The following ST6GAL1 variants were observed in gnomAD, a reference collection of about 807,000 sequenced individuals.
ST6GAL1 encodes ST6 beta-galactoside alpha-2,6-sialyltransferase 1.
ST6GAL1 carries 20 observed loss-of-function variants against 38.0 expected under a neutral mutation model. The ratio of observed to expected loss-of-function variants is 0.53; its 90% CI spans 0.37 to 0.77. The LOEUF is 0.77. Among genes scored for constraint, ST6GAL1 ranks in the 30% least tolerant of loss-of-function variants. ST6GAL1 has a pLI of 0.00. For synonymous variants in ST6GAL1, 196 were observed against 188.2 expected, an observed-to-expected ratio of 1.04 and a Z score of -0.34; for missense variants, 432 against 496.4, an observed-to-expected ratio of 0.87 and a Z score of 1.23.
chr3:187,012,021 G>T (rs1716969896), intron 2 of ST6GAL1, among the ~76,000 whole-genome samples: 1 of 152,102 alleles, frequency 6.6e-6, no homozygotes, highest in Admixed American at 6.6e-5. Flanking sequence ...CCAAGCTATG[G>T]TCTCTGCCTC....
rs770640976 is a variant in ST6GAL1 at position 186,934,580 on chromosome 3, AAAC to A, written c.-325+3757_-325+3759del. Among the ~76,000 whole-genome samples, 221 of 151,684 alleles carry A rather than the reference AAAC, an allele frequency of 1.5e-3. 1 individual carries two copies. The highest frequency in any genetic ancestry group is 2.8e-3 in the Non-Finnish European group (189 of 67,896). ...TGTCTCAAAAACAGAAAATAAAACA[AAAC>A]AACAACAACAGAAAACCAGCAGGCT... On this transcript the variant is annotated intron_variant, in intron 1 of 7. Coordinates refer to ENST00000169298, the MANE Select transcript of ST6GAL1 (RefSeq NM_173216.2).
At chr3:186,944,367 T>C (rs1714284048) in intron 1 of ST6GAL1, among the ~76,000 whole-genome samples, 1 of 152,144 alleles carries the variant, frequency 6.6e-6, no homozygotes, top group Non-Finnish European at 1.5e-5. Context: ...GGGCATAACA[T>C]ATGAGCAAAA....
At chr3:187,013,826 C>G (rs1304972309) in intron 2 of ST6GAL1, among the ~76,000 whole-genome samples, 1 of 152,170 alleles carries the variant, frequency 6.6e-6, no homozygotes, top group African/African-American at 2.4e-5. Context: ...CTCAGGTGAT[C>G]CTCCCACCTT....
intron 2 of ST6GAL1, among the ~76,000 whole-genome samples, chr3:187,003,209 C>G (rs1459248863): frequency 6.6e-6 from 1 of 152,208 alleles, no homozygotes; most frequent in Non-Finnish European, 1.5e-5. Flanking sequence ...AAAAACAATG[C>G]CCCAGCTCAA....
At chr3:186,953,951 T>A (rs1198502776) in intron 1 of ST6GAL1, among the ~76,000 whole-genome samples, 2 of 152,082 alleles carry the variant, frequency 1.3e-5, no homozygotes, top group African/African-American at 4.8e-5. Context: ...AAGCCCCACA[T>A]GCATTAGCTA....
At chr3:187,021,355 C>T (rs1717292198) in intron 2 of ST6GAL1, among the ~76,000 whole-genome samples, 1 of 152,212 alleles carries the variant, frequency 6.6e-6, no homozygotes, top group South Asian at 2.1e-4. Context: ...ACTTCAGGGA[C>T]AGGCCCTAAG....
chr3:187,073,440 C>A, intron 6 of ST6GAL1: 1 of 164,346 alleles, frequency 6.1e-6, no homozygotes. Flanking sequence ...GAAAGTCCCC[C>A]ATTCCAGGAC....
chr3:187,016,400 G>A (rs6444193), intron 2 of ST6GAL1, among the ~76,000 whole-genome samples: 111,189 of 151,962 alleles, frequency 0.73, 41,156 homozygotes, highest in South Asian at 0.83. Context: ...GTGCAGGAGA[G>A]TGTGTGTGCA....
chr3:187,015,057 C>A (rs1717073015), intron 2 of ST6GAL1, among the ~76,000 whole-genome samples: 1 of 152,158 alleles, frequency 6.6e-6, no homozygotes, highest in Non-Finnish European at 1.5e-5. Flanking sequence ...TGTAAATTCT[C>A]CCTAACATGG....
intron 2 of ST6GAL1, among the ~76,000 whole-genome samples, chr3:186,970,276 G>A (rs1311746667): frequency 1.1e-4 from 16 of 148,276 alleles, no homozygotes; most frequent in African/African-American, 3.0e-4. Context: ...GTGCAGTGGC[G>A]CGATCTCAGC....
intron 3 of ST6GAL1, among the ~76,000 whole-genome samples, chr3:187,041,418 TG>T (rs1718121393): frequency 6.6e-6 from 1 of 152,178 alleles, no homozygotes; most frequent in Non-Finnish European, 1.5e-5. Context: ...ACCCAGTGAT[TG>T]GGGAAAGAAT....
chr3:186,963,349 C>T (rs957112050), intron 1 of ST6GAL1, among the ~76,000 whole-genome samples: 1 of 152,190 alleles, frequency 6.6e-6, no homozygotes, highest in Non-Finnish European at 1.5e-5. Context: ...CTCAGCCTCC[C>T]AAGTAGCTGG....
At chr3:186,940,977 G>A (rs904427439) in intron 1 of ST6GAL1, among the ~76,000 whole-genome samples, 3 of 152,164 alleles carry the variant, frequency 2.0e-5, no homozygotes, top group Admixed American at 6.5e-5. Flanking sequence ...GTTCTGGAAA[G>A]GATGGTGAGA....
chr3:187,075,707 G>T lies in ST6GAL1; in HGVS notation c.1125G>T (p.Glu375Asp), dbSNP rs1481462626. ...GTGCCTACCACCCGCTGCTCTATGA[G>T]AAGAATTTGGTGAAGCATCTCAACC... Reference protein sequence around the residue: ...TMGAYHPLLYEKNLVKHLNQG... With the variant: ...TMGAYHPLLYDKNLVKHLNQG... Residue 375 changes from glutamate to aspartate, a missense_variant, in exon 8 of 8, where the codon GAG becomes GAT. Coordinates refer to ENST00000169298, the MANE Select transcript of ST6GAL1 (RefSeq NM_173216.2). This position sits in a 1 kb window ranked among gnomAD's most constrained non-coding sequence, Gnocchi z 4.1. The T allele has an allele frequency of 1.9e-6, 3 of 1,614,144 alleles. No homozygotes were observed. In the African/African-American group the frequency reaches 4.0e-5, roughly 22 times the overall value.
At chr3:187,054,421 T>A (rs1718619693) in intron 5 of ST6GAL1, among the ~76,000 whole-genome samples, 1 of 152,220 alleles carries the variant, frequency 6.6e-6, no homozygotes, top group African/African-American at 2.4e-5. Flanking sequence ...TTCAGTATGA[T>A]ATTGGCTGTG....
At chr3:187,072,740 A>G in intron 5 of ST6GAL1, 109 bp from the exon 6 acceptor site, 2 of 932,450 alleles carry the variant, frequency 2.1e-6, no homozygotes, top group Non-Finnish European at 3.5e-6. Context: ...TAGAAGCCTC[A>G]TGGGGCTCTG....
intron 2 of ST6GAL1, among the ~76,000 whole-genome samples, chr3:187,007,653 C>T (rs1290918199): frequency 6.6e-6 from 1 of 152,174 alleles, no homozygotes; most frequent in East Asian, 1.9e-4. Context: ...CAAATTTACT[C>T]AATATCAAAA....
intron 1 of ST6GAL1, among the ~76,000 whole-genome samples, chr3:186,948,306 C>T (rs771534888): frequency 1.3e-4 from 20 of 152,306 alleles, no homozygotes; most frequent in African/African-American, 3.6e-4. Flanking sequence ...CAGGGGACTT[C>T]GGTGGCCAGC....
At chr3:186,978,776 C>T (rs1429453843) in intron 2 of ST6GAL1, among the ~76,000 whole-genome samples, 2 of 152,080 alleles carry the variant, frequency 1.3e-5, no homozygotes, top group African/African-American at 4.8e-5. Context: ...GATGTCCTGT[C>T]GAAGACCATT....
Sources: allele counts gnomAD v4.1 joint callset (sites outside exome capture counted in the v4.1 genomes callset), GRCh38; gene constraint gnomAD v4.1.1; non-coding constraint Gnocchi (gnomAD v3.1); transcripts MANE v1.5; gene names NCBI Gene and HGNC (gene_info 2026-07-23, HGNC 2026-07-21).